Variants in FHOD3 observed in about 807,000 individuals in gnomAD.
The protein encoded by FHOD3 is FH1/FH2 domain-containing protein 3.
FHOD3 carries 90 observed loss-of-function variants against 173.0 expected under a neutral mutation model. The observed-to-expected ratio is 0.52, with a 90% CI of 0.44 to 0.62. The LOEUF (loss-of-function observed/expected upper bound fraction) is 0.62, where lower values mean the gene tolerates loss of function less well. Ranked by LOEUF, FHOD3 falls within the 20% of genes least tolerant of loss-of-function variation. The pLI is 0.00. For missense variants in FHOD3, 1,945 were observed against 2,034.7 expected (o/e 0.96, Z 0.85); for synonymous variants, 828 against 823.0 (o/e 1.01, Z -0.10).
intron 6 of FHOD3, among the ~76,000 whole-genome samples, chr18:36,586,053 A>G (rs1019717640): frequency 6.6e-6 from 1 of 152,196 alleles, no homozygotes; most frequent in African/African-American, 2.4e-5. Context: ...ACACTCTTCT[A>G]ACAGCACATT....
At chr18:36,714,031 GTC>G (rs34542907) in intron 18 of FHOD3, among the ~76,000 whole-genome samples, 47,632 of 151,878 alleles carry the variant, frequency 0.31, 7,703 homozygotes, top group South Asian at 0.47. Context: ...GGGGGAAAAA[GTC>G]TGTAGGACTA....
intron 3 of FHOD3, among the ~76,000 whole-genome samples, chr18:36,455,942 T>C (rs1465522345): frequency 6.6e-6 from 1 of 152,156 alleles, no homozygotes; most frequent in Middle Eastern, 3.2e-3. Context: ...CATGAATCTC[T>C]TGGATGCCGC....
intron 10 of FHOD3, among the ~76,000 whole-genome samples, chr18:36,647,078 T>C (rs2035738549): frequency 6.6e-6 from 1 of 151,856 alleles, no homozygotes; most frequent in African/African-American, 2.4e-5. Context: ...CTCTACTAAA[T>C]AATAATACAA....
chr18:36,703,110 C>T (rs1489489948), intron 17 of FHOD3, among the ~76,000 whole-genome samples: 2 of 152,142 alleles, frequency 1.3e-5, no homozygotes, highest in African/African-American at 2.4e-5. Context: ...GACTAGCGGT[C>T]GTGGGACACT....
intron 3 of FHOD3, among the ~76,000 whole-genome samples, chr18:36,501,122 A>C (rs1254420120): frequency 6.6e-6 from 1 of 152,170 alleles, no homozygotes; most frequent in Non-Finnish European, 1.5e-5. Flanking sequence ...GGCCTGGTCT[A>C]ACTCATATAT....
intron 5 of FHOD3, among the ~76,000 whole-genome samples, chr18:36,554,127 C>T (rs2057775325): frequency 6.6e-6 from 1 of 152,086 alleles, no homozygotes; most frequent in Admixed American, 6.6e-5. Context: ...CCCAGCCATC[C>T]CACTACTGGG....
intron 19 of FHOD3, among the ~76,000 whole-genome samples, chr18:36,723,616 G>C (rs964006180): frequency 6.6e-6 from 1 of 152,136 alleles, no homozygotes; most frequent in African/African-American, 2.4e-5. Flanking sequence ...CTGCCTCTCT[G>C]AGCCCGACCC....
intron 20 of FHOD3, among the ~76,000 whole-genome samples, chr18:36,734,967 C>G (rs1190316099): frequency 6.6e-6 from 1 of 152,216 alleles, no homozygotes; most frequent in Non-Finnish European, 1.5e-5. Context: ...TTAAGGAAGT[C>G]ATTTTTCATA....
At chr18:36,458,556 T>A (rs898113052) in intron 3 of FHOD3, among the ~76,000 whole-genome samples, 7 of 152,086 alleles carry the variant, frequency 4.6e-5, no homozygotes, top group African/African-American at 1.7e-4. Flanking sequence ...CTGGGGCCTC[T>A]TCTCTGCCCC....
rs2149674938 is a variant in FHOD3 at position 36,709,312 on chromosome 18, T to C, written c.2454T>C (p.Ser818=). 1 of 1,614,226 alleles carries C rather than the reference T, an allele frequency of 6.2e-7. No individual in the cohort carries two copies. Among genetic ancestry groups the C allele is most frequent in the Non-Finnish European group, 8.5e-7 (1 of 1,180,034 alleles). Residue 818 remains serine, a synonymous_variant, in exon 18 of 29, where the codon TCT becomes TCC. Transcript: ENST00000590592. ...GGGTGAACGAGAGGGACAACTGCTC[T>C]GCCTCCAGCGTCTCGTCCTCCAGCA... ...NEGVNERDNC[S]ASSVSSSSST...
At chr18:36,470,599 A>C (rs1172742895) in intron 3 of FHOD3, among the ~76,000 whole-genome samples, 1 of 152,194 alleles carries the variant, frequency 6.6e-6, no homozygotes, top group Non-Finnish European at 1.5e-5. Flanking sequence ...TATCGTTCTA[A>C]TAGAGTTTTA....
intron 2 of FHOD3, among the ~76,000 whole-genome samples, chr18:36,357,089 A>G (rs149749979): frequency 6.6e-6 from 1 of 152,316 alleles, no homozygotes; most frequent in East Asian, 1.9e-4. Flanking sequence ...ACTTTGCCCG[A>G]GTTAAAAATA....
chr18:36,388,162 A>AC (rs1210603425), intron 3 of FHOD3, among the ~76,000 whole-genome samples: 1 of 152,134 alleles, frequency 6.6e-6, no homozygotes, highest in East Asian at 1.9e-4. Context: ...CTCATAAATT[A>AC]CTAATTATAC....
chr18:36,704,104 C>A (rs923033789), intron 17 of FHOD3, among the ~76,000 whole-genome samples: 6 of 152,184 alleles, frequency 3.9e-5, no homozygotes, highest in South Asian at 2.1e-4. Context: ...TTCCACCTTG[C>A]AGAAAGTATC....
intron 4 of FHOD3, among the ~76,000 whole-genome samples, chr18:36,502,287 TG>T: frequency 1.1e-5 from 1 of 89,830 alleles, no homozygotes. Context: ...CTGGGACACA[TG>T]TGCAAAATGT....
At chr18:36,739,802 C>A (rs1042185141) in intron 20 of FHOD3, among the ~76,000 whole-genome samples, 1 of 151,888 alleles carries the variant, frequency 6.6e-6, no homozygotes, top group African/African-American at 2.4e-5. Flanking sequence ...GTGTATTGAC[C>A]CTATATCATA....
intron 1 of FHOD3, among the ~76,000 whole-genome samples, chr18:36,320,204 T>C (rs1240763273): frequency 6.6e-6 from 1 of 152,128 alleles, no homozygotes; most frequent in Non-Finnish European, 1.5e-5. Context: ...AGCTGGTTTT[T>C]GGAAAAGATC....
At chr18:36,758,105 C>G (rs1024074624) in intron 25 of FHOD3, among the ~76,000 whole-genome samples, 5 of 152,212 alleles carry the variant, frequency 3.3e-5, no homozygotes, top group Non-Finnish European at 7.3e-5. Context: ...CCAGCCATCC[C>G]AGGTTATATA....
At chr18:36,704,222 G>T (rs2039744854) in intron 17 of FHOD3, among the ~76,000 whole-genome samples, 1 of 152,218 alleles carries the variant, frequency 6.6e-6, no homozygotes, top group Admixed American at 6.5e-5. Flanking sequence ...AGCCAGGTCA[G>T]TGCAGGCTCT....
Sources: gnomAD v4.1 joint callset for allele counts (sites outside exome capture counted in the v4.1 genomes callset) on GRCh38, gnomAD v4.1.1 for gene constraint, MANE v1.5 for transcripts, NCBI Gene and HGNC (gene_info 2026-07-23, HGNC 2026-07-21) for gene names.